Variants in MBIP observed in about 807,000 individuals in gnomAD.
MBIP encodes MAP3K12-binding inhibitory protein 1.
In MBIP, 32 loss-of-function variants were observed where a neutral mutation model predicts 45.7. The observed-to-expected ratio is 0.70, with a 90% CI of 0.53 to 0.94. The LOEUF (loss-of-function observed/expected upper bound fraction) is 0.94, where lower values mean the gene tolerates loss of function less well. Ranked by LOEUF, MBIP falls within the 40% of genes least tolerant of loss-of-function variation. MBIP has a pLI of 0.00. For missense variants in MBIP, 381 were observed against 405.5 expected (o/e 0.94, Z 0.52); for synonymous variants, 145 against 141.0 (o/e 1.03, Z -0.20).
chr14:36,318,011 G>A (rs571022882), intron 1 of MBIP, among the ~76,000 whole-genome samples: 12 of 152,008 alleles, frequency 7.9e-5, no homozygotes, highest in Non-Finnish European at 1.8e-4. Context: ...AGTATAAAGA[G>A]ATATGAAATT....
rs550217556 is a variant in MBIP, at chr14:36,312,328, GAAA to G, written c.572-307_572-305del. On this transcript the variant is annotated intron_variant, in intron 4 of 8. Transcript: ENST00000416007. ...CAATGTCACTATTTGGGCCACTGGAGAAAATAATCTACCATAGAGTATTTAAAT... is the reference window on the plus strand; with the variant it reads ...CAATGTCACTATTTGGGCCACTGGAGATAATCTACCATAGAGTATTTAAAT... Among the ~76,000 whole-genome samples, 747 of 152,134 alleles carry G rather than the reference GAAA, an allele frequency of 4.9e-3. 6 individuals are homozygous for G. Among genetic ancestry groups the G allele is most frequent in the African/African-American group, 0.017 (687 of 41,538 alleles).
chr14:36,299,139 CTTGT>C lies in MBIP; in HGVS notation c.975_978del (p.Gln326ProfsTer50), dbSNP rs753023308. 1.9e-6 allele frequency: 3 copies of C among 1,613,594 alleles called. No homozygotes were observed. The African/African-American group carries it at 4.0e-5, about 22-fold the overall frequency. On this transcript the variant is annotated frameshift_variant, in exon 9 of 9. Transcript: ENST00000416007. LOFTEE classifies it high-confidence loss of function. ...GCTTCTCTTGATTTTCTGAGGAGGG[CTTGT>C]TTGAGGGCACTAATTTTCTCATCAA...
At position 36,320,583 on chromosome 14, in the gene MBIP, A is replaced by T. The variant is rs1880850876; in HGVS notation, c.6T>A (p.Ala2=). 2 of 1,607,760 alleles carry T rather than the reference A, an allele frequency of 1.2e-6. No individual in the cohort carries two copies. Among genetic ancestry groups the T allele is most frequent in the Non-Finnish European group, 1.7e-6 (2 of 1,176,490 alleles). ...TCGGGCGATTAAGCTCCGTGGCAGC[A>T]GCCATGATATCTTCTCAGGCCGCCC... M[A]AATELNRPSS... Residue 2 remains alanine (A), a synonymous_variant, in exon 1 of 9, where the codon GCT becomes GCA. Coordinates refer to ENST00000416007, the MANE Select transcript of MBIP (RefSeq NM_016586.3).
chr14:36,314,653 A>C (rs745900941), intron 3 of MBIP, 38 bp downstream of exon 3: 6 of 1,606,002 alleles, frequency 3.7e-6, no homozygotes. Flanking sequence ...GATTTTTTAA[A>C]ATAATACCCT....
chr14:36,316,504 G>T (rs937216347), intron 2 of MBIP, among the ~76,000 whole-genome samples, 189 bp downstream of exon 2: 22 of 152,020 alleles, frequency 1.4e-4, no homozygotes, highest in African/African-American at 5.3e-4. Context: ...TTGGTCTTTT[G>T]GGCTATATTC....
chr14:36,304,722 T>C (rs1180150051), intron 7 of MBIP, among the ~76,000 whole-genome samples: 1 of 152,244 alleles, frequency 6.6e-6, no homozygotes, highest in Non-Finnish European at 1.5e-5. Flanking sequence ...TGGAGTTTTA[T>C]GTCTGGTCGT....
chr14:36,315,975 C>G (rs1880544164), intron 2 of MBIP, among the ~76,000 whole-genome samples: 1 of 152,186 alleles, frequency 6.6e-6, no homozygotes, highest in African/African-American at 2.4e-5. Context: ...TCACATTTTA[C>G]ACTTTGATTA....
intron 7 of MBIP, among the ~76,000 whole-genome samples, chr14:36,301,705 G>T (rs1316932876): frequency 6.6e-6 from 1 of 152,214 alleles, no homozygotes. Context: ...AGCCAGTTTT[G>T]AGTTCAAATT....
rs3783704 is a variant in MBIP at position 36,304,111 on chromosome 14, G to A, written c.889-3288C>T. The stretch of plus-strand genomic sequence containing the variant: ...TAGCTGAATCCAGTTGTTCACTCAT[G>A]CTTCAGACCCACCACACGTTCACAC... On this transcript the variant is annotated intron_variant, in intron 7 of 8. Transcript: ENST00000416007. Among the ~76,000 whole-genome samples, 173 of 152,190 alleles carry A rather than the reference G, an allele frequency of 1.1e-3. 1 individual carries two copies. Among genetic ancestry groups the A allele is most frequent in the East Asian group, 6.6e-3 (34 of 5,150 alleles).
intron 8 of MBIP, among the ~76,000 whole-genome samples, chr14:36,300,173 A>T (rs1879453979): frequency 6.6e-6 from 1 of 152,224 alleles, no homozygotes; most frequent in Non-Finnish European, 1.5e-5. Flanking sequence ...TAACTTTAAA[A>T]ATAGCTGCTT....
At chr14:36,299,301 G>A in intron 8 of MBIP, 111 bp from the exon 9 acceptor site, 2 of 715,998 alleles carry the variant, frequency 2.8e-6, no homozygotes, top group Non-Finnish European at 4.7e-6. Flanking sequence ...ATGATCAAAT[G>A]GTTTTTTTCC....
intron 1 of MBIP, 41 bp downstream of exon 1, chr14:36,320,419 G>A: frequency 6.2e-7 from 1 of 1,612,982 alleles, no homozygotes; most frequent in Non-Finnish European, 8.5e-7. Flanking sequence ...AGGAGGGACC[G>A]GATGGTTTCC....
Position 36,314,572 on chromosome 14 carries a change from GCTTT to G in MBIP, c.507_510del (p.Arg169SerfsTer42), listed in dbSNP as rs760989299. ...ACGTTGTTTTCATTGATTTCAGCTT[GCTTT>G]CTTTCAATAAATGCAGATATTCGTC... On this transcript the variant is annotated frameshift_variant, in exon 4 of 9. Transcript: ENST00000416007. LOFTEE classifies it high-confidence loss of function. 4.3e-6 allele frequency: 7 copies of G among 1,611,390 alleles called. No homozygotes were observed. The highest frequency in any genetic ancestry group is 2.7e-5 in the African/African-American group (2 of 74,786).
intron 1 of MBIP, chr14:36,319,453 T>G: frequency 3.9e-6 from 1 of 253,634 alleles, no homozygotes; most frequent in Non-Finnish European, 7.9e-6. Flanking sequence ...TACAGTAATG[T>G]TCTTTGTAAG....
At chr14:36,311,910 T>C in intron 5 of MBIP, 49 bp downstream of exon 5, 1 of 1,382,500 alleles carries the variant, frequency 7.2e-7, no homozygotes, top group Non-Finnish European at 1.0e-6. Flanking sequence ...ATTTTGCTAA[T>C]AATCTAGACT....
intron 4 of MBIP, chr14:36,314,292 T>C (rs1322734052): frequency 4.7e-5 from 21 of 448,070 alleles, no homozygotes; most frequent in Non-Finnish European, 3.9e-6. Flanking sequence ...AAACACTTTT[T>C]AATGTTAGCA....
chr14:36,312,156 A>G, intron 4 of MBIP, 132 bp from the exon 5 acceptor site: 1 of 480,288 alleles, frequency 2.1e-6, no homozygotes, highest in East Asian at 3.4e-5. Flanking sequence ...GTAACAATAA[A>G]TTACTATCAC....
intron 1 of MBIP, chr14:36,319,632 A>C: frequency 4.7e-6 from 2 of 421,778 alleles, no homozygotes; most frequent in Non-Finnish European, 9.5e-6. Context: ...CGCTAGTACC[A>C]GCCCCAAAAC....
chr14:36,310,376 C>T (rs1880129901), intron 6 of MBIP, among the ~76,000 whole-genome samples: 1 of 152,142 alleles, frequency 6.6e-6, no homozygotes, highest in Non-Finnish European at 1.5e-5. Context: ...TTTTGGAATG[C>T]TTTGCTCTGG....
Sources: gnomAD v4.1 joint callset for allele counts (sites outside exome capture counted in the v4.1 genomes callset) on GRCh38, gnomAD v4.1.1 for gene constraint, MANE v1.5 for transcripts, NCBI Gene and HGNC (gene_info 2026-07-23, HGNC 2026-07-21) for gene names.